Variants in TMPRSS4 observed in about 807,000 individuals in gnomAD.
The protein encoded by TMPRSS4 is transmembrane serine protease 4.
Under a neutral mutation model 56.4 loss-of-function variants are expected in TMPRSS4, and 45 were observed. The observed-to-expected ratio is 0.80, with a 90% confidence interval of 0.63 to 1.02. The LOEUF is 1.02. Among genes scored for constraint, TMPRSS4 ranks in the 50% least tolerant of loss-of-function variants. The pLI, the probability that TMPRSS4 is intolerant of heterozygous loss-of-function variation, is 0.00. For missense variants in TMPRSS4, 546 were observed against 556.7 expected, an observed-to-expected ratio of 0.98 and a Z score of 0.19; for synonymous variants, 205 against 211.0, an observed-to-expected ratio of 0.97 and a Z score of 0.25.
At chr11:118,123,010 C>T (rs959608709), downstream of TMPRSS4, among the ~76,000 whole-genome samples, 4 of 152,074 alleles carry the variant, frequency 2.6e-5, no homozygotes, top group Admixed American at 6.6e-5. Context: ...CACCAGACAC[C>T]GAATCTGCTG....
intron 1 of TMPRSS4, among the ~76,000 whole-genome samples, chr11:118,093,362 C>A (rs925304569): frequency 6.6e-6 from 1 of 152,220 alleles, no homozygotes; most frequent in Admixed American, 6.5e-5. Context: ...CTTCAACCAC[C>A]ACCAAGGTGG....
chr11:118,092,038 G>C (rs1946005081), intron 1 of TMPRSS4, among the ~76,000 whole-genome samples: 1 of 152,054 alleles, frequency 6.6e-6, no homozygotes, highest in African/African-American at 2.4e-5. Flanking sequence ...AAGGCAATGA[G>C]AAAGAGTGGC....
intron 3 of TMPRSS4, among the ~76,000 whole-genome samples, chr11:118,102,599 C>T (rs1946769048): frequency 6.6e-6 from 1 of 152,180 alleles, no homozygotes; most frequent in Non-Finnish European, 1.5e-5. Flanking sequence ...ATCCCAGCTA[C>T]TCAGGAGGCT....
At chr11:118,115,039 C>A (rs950928601) in intron 10 of TMPRSS4, 99 bp from the exon 11 acceptor site, 2 of 1,551,122 alleles carry the variant, frequency 1.3e-6, no homozygotes, top group Non-Finnish European at 1.7e-6. Context: ...CCTGGAGGAC[C>A]AAGCACCAAG....
intron 1 of TMPRSS4, among the ~76,000 whole-genome samples, chr11:118,090,733 A>C (rs975543992): frequency 4.6e-5 from 7 of 151,896 alleles, no homozygotes; most frequent in Non-Finnish European, 1.0e-4. Flanking sequence ...AGCTGAAATC[A>C]CAACATTGCA....
chr11:118,088,444 A>G (rs1036235526), intron 1 of TMPRSS4: 6 of 152,216 alleles, frequency 3.9e-5, no homozygotes, highest in East Asian at 3.8e-4. Context: ...CTCTGAGTTG[A>G]TCAGGCAATG....
intron 1 of TMPRSS4, among the ~76,000 whole-genome samples, chr11:118,078,269 C>G (rs1339080374): frequency 6.6e-6 from 1 of 151,964 alleles, no homozygotes; most frequent in African/African-American, 2.4e-5. Context: ...GAGGAGGAAC[C>G]CAGGGGTCTT....
At position 118,117,910 on chromosome 11, in the gene TMPRSS4, G is replaced by A. The variant is rs1947646851; in HGVS notation, c.1311G>A (p.Leu437=). ...NWIYNVWKAE[L] is the part of the protein sequence containing the mutation. ...GGTCTCTCTTATTCTAGGCTGAGCT[G>A]TAATGCTGCTGCCCCTTTGCAGTGC... is the stretch of plus-strand genomic sequence containing the variant. The change falls in exon 13 of 13, where the codon CTG becomes CTA. Residue 437 remains leucine, a synonymous_variant. Coordinates refer to ENST00000437212, the MANE Select transcript of TMPRSS4 (RefSeq NM_019894.4). The A allele has an allele frequency of 3.7e-6, 6 of 1,613,396 alleles. No individual in the cohort carries two copies. The highest frequency in any genetic ancestry group is 1.7e-5 in the Admixed American group (1 of 60,010).
rs1338069961 is a variant in TMPRSS4, at chr11:118,119,397, T to C, written c.*1484T>C. ...TTTCCCAAATTTAGAGCCTCAGGAT[T>C]CCCAAAGATCCTCCAAATATGAGCT... On this transcript the variant is annotated 3_prime_UTR_variant, in exon 13 of 13. Coordinates refer to ENST00000437212, the MANE Select transcript of TMPRSS4 (RefSeq NM_019894.4). 1 of 969,514 alleles carries C rather than the reference T, an allele frequency of 1.0e-6. No homozygotes were observed. Among genetic ancestry groups the C allele is most frequent in the African/African-American group, 1.8e-5 (1 of 56,860 alleles). The allele number at this position is 969,514 out of a possible 1,614,324, so 60.1% of individuals were successfully genotyped here.
chr11:118,109,477 G>C (rs931284573), intron 7 of TMPRSS4, among the ~76,000 whole-genome samples: 3 of 152,220 alleles, frequency 2.0e-5, no homozygotes, highest in African/African-American at 7.2e-5. Context: ...ATGCTGCAGA[G>C]AGAGCTGGCC....
intron 6 of TMPRSS4, chr11:118,108,434 G>C (rs1947107181): frequency 5.6e-6 from 1 of 176,996 alleles, no homozygotes; most frequent in African/African-American, 2.4e-5. Context: ...GTTGCTGAGG[G>C]CCGCTTATTC....
chr11:118,108,926 G>A (rs761862895), intron 7 of TMPRSS4, 30 bp downstream of exon 7: 1 of 1,611,972 alleles, frequency 6.2e-7, no homozygotes, highest in Non-Finnish European at 8.5e-7. Context: ...GAGGGTTTGG[G>A]GCCTGGGCCA....
chr11:118,109,536 T>C (rs1317662068), intron 7 of TMPRSS4, among the ~76,000 whole-genome samples: 1 of 152,192 alleles, frequency 6.6e-6, no homozygotes, highest in African/African-American at 2.4e-5. Flanking sequence ...CAGTGTGGCC[T>C]CGAGTCATTC....
At chr11:118,123,919 G>A (rs2135487321), downstream of TMPRSS4, among the ~76,000 whole-genome samples, 1 of 152,204 alleles carries the variant, frequency 6.6e-6, no homozygotes, top group African/African-American at 2.4e-5. Flanking sequence ...AAAGGCATTT[G>A]GGCAAAGGGG....
intron 3 of TMPRSS4, among the ~76,000 whole-genome samples, chr11:118,101,761 G>A (rs1051988859): frequency 2.6e-5 from 4 of 152,100 alleles, no homozygotes; most frequent in African/African-American, 4.8e-5. Flanking sequence ...TTACAGGTGT[G>A]AACTACCATG....
At chr11:118,078,034 A>G (rs1210662854) in intron 1 of TMPRSS4, among the ~76,000 whole-genome samples, 5 of 99,426 alleles carry the variant, frequency 5.0e-5, no homozygotes, top group African/African-American at 1.5e-4. Context: ...AAAAAAAAAA[A>G]AAAAAAAAAA....
chr11:118,095,113 C>A, intron 2 of TMPRSS4: 1 of 530,002 alleles, frequency 1.9e-6, no homozygotes, highest in Non-Finnish European at 3.4e-6. Context: ...TTCATTCATT[C>A]AGTCACTCTT....
At position 118,099,119 on chromosome 11, in the gene TMPRSS4, G is replaced by A. The variant is rs201721067; in HGVS notation, c.157+21G>A. ...CCTCAGTAAGTGACAGCCCGTACCC[G>A]ACTTTCACCCTCTAAGTAAATGACA... On this transcript the variant is annotated intron_variant, in intron 3 of 12. Coordinates refer to ENST00000437212, the MANE Select transcript of TMPRSS4 (RefSeq NM_019894.4). 170 of 1,599,752 alleles carry A rather than the reference G, an allele frequency of 1.1e-4. No homozygotes were observed. In the African/African-American group the frequency reaches 1.5e-3, roughly 14 times the overall value.
intron 1 of TMPRSS4, among the ~76,000 whole-genome samples, chr11:118,078,013 C>CAAAA (rs148383275): frequency 5.8e-3 from 414 of 70,916 alleles, no homozygotes; most frequent in Middle Eastern, 0.01. Flanking sequence ...AACTCCGTCT[C>CAAAA]AAAAAAAAAA....
Sources: gnomAD v4.1 joint callset for allele counts (sites outside exome capture counted in the v4.1 genomes callset) on GRCh38, gnomAD v4.1.1 for gene constraint, MANE v1.5 for transcripts, NCBI Gene and HGNC (gene_info 2026-07-23, HGNC 2026-07-21) for gene names.